Variants in CRYZ observed in about 807,000 individuals in gnomAD.
CRYZ encodes crystallin zeta.
In CRYZ, 35 loss-of-function variants were observed where a neutral mutation model predicts 34.1. That is an observed-to-expected ratio of 1.03 (90% CI 0.78 to 1.36). CRYZ has a LOEUF of 1.36. Ranked by LOEUF, CRYZ falls within the 40% of genes most tolerant of loss-of-function variation. CRYZ has a pLI of 0.00. For synonymous variants in CRYZ, 137 were observed against 136.5 expected (o/e 1.00, Z -0.03); for missense variants, 403 against 391.8 (o/e 1.03, Z -0.24).
intron 5 of CRYZ, among the ~76,000 whole-genome samples, chr1:74,712,174 T>G (rs530065220): frequency 6.6e-6 from 1 of 152,230 alleles, no homozygotes; most frequent in Non-Finnish European, 1.5e-5. Context: ...CTAGGAAATA[T>G]ATCTGATTAG....
chr1:74,723,342 T>C lies in CRYZ; in HGVS notation c.112-72A>G. 10 of 1,416,410 alleles carry C rather than the reference T, an allele frequency of 7.1e-6. No individual in the cohort carries two copies. The Middle Eastern group carries it at 5.5e-4, about 77-fold the overall frequency. The allele number at this position is 1,416,410 out of a possible 1,614,324, so 87.7% of individuals were successfully genotyped here. A position where few individuals can be genotyped will look rare whatever the true frequency, so the allele number is the denominator to read the frequency against. On this transcript the variant is annotated intron_variant, in intron 2 of 8. Transcript: ENST00000340866. The stretch of plus-strand genomic sequence containing the variant: ...ATTTAACTTTATGCTAGGACTGTGC[T>C]GATTATGGGAGCTATCAAAATGGGA...
chr1:74,721,718 A>T (rs1288768759), intron 3 of CRYZ, among the ~76,000 whole-genome samples: 1 of 152,204 alleles, frequency 6.6e-6, no homozygotes, highest in Non-Finnish European at 1.5e-5. Flanking sequence ...GAAGTCACCA[A>T]GACAGTCACA....
chr1:74,721,519 C>A (rs1169203878), intron 3 of CRYZ, among the ~76,000 whole-genome samples: 1 of 152,052 alleles, frequency 6.6e-6, no homozygotes, highest in Admixed American at 6.6e-5. Flanking sequence ...GAATTAAATT[C>A]TATAAAGTGA....
Position 74,722,608 on chromosome 1 carries a change from A to ATATATG in CRYZ, c.264+509_264+510insCATATA, listed in dbSNP as rs1553172775. Among the ~76,000 whole-genome samples the ATATATG allele has an allele frequency of 1.3e-3, 194 of 150,648 alleles. 1 individual carries two copies. Among genetic ancestry groups the ATATATG allele is most frequent in the Middle Eastern group, 3.4e-3 (1 of 290 alleles). ...TGTCTTTGGGCATATATATATATAT[A>ATATATG]TGTGTGTGTGTGTATATATATATAT... On this transcript the variant is annotated intron_variant, in intron 3 of 8. Transcript: ENST00000340866.
Position 74,724,587 on chromosome 1 carries a change from G to A in CRYZ, c.111+124C>T, listed in dbSNP as rs191919311. On this transcript the variant is annotated intron_variant, in intron 2 of 8. Transcript: ENST00000340866. ...TTATCAATGTCCATATGTATACATA[G>A]TGTAAACTGCATCCTAATTCAATGT... is the stretch of plus-strand genomic sequence containing the variant. 4 of 631,764 alleles carry A rather than the reference G, an allele frequency of 6.3e-6. No individual in the cohort carries two copies. The Admixed American group carries it at 1.3e-4, about 20-fold the overall frequency. 39.1% of individuals were successfully genotyped at this position (631,764 alleles called of 1,614,324 possible). A position where few individuals can be genotyped will look rare whatever the true frequency, so the allele number is the denominator to read the frequency against.
At chr1:74,727,631 C>T (rs1029967609) in intron 1 of CRYZ, among the ~76,000 whole-genome samples, 3 of 108,688 alleles carry the variant, frequency 2.8e-5, no homozygotes, top group South Asian at 3.4e-4. Flanking sequence ...GGCAACACAG[C>T]GAGACTCTGT....
chr1:74,710,466 T>C (rs1344452586), intron 5 of CRYZ, among the ~76,000 whole-genome samples: 1 of 152,224 alleles, frequency 6.6e-6, no homozygotes, highest in African/African-American at 2.4e-5. Context: ...TATTCTATCC[T>C]CACAATGACC....
chr1:74,725,362 G>A (rs1647279245), intron 1 of CRYZ, among the ~76,000 whole-genome samples: 1 of 152,208 alleles, frequency 6.6e-6, no homozygotes, highest in Admixed American at 6.5e-5. Flanking sequence ...ATGGTGGAAG[G>A]CAAAGGAGAA....
intron 5 of CRYZ, among the ~76,000 whole-genome samples, chr1:74,711,618 G>A (rs954612554): frequency 6.6e-6 from 1 of 152,198 alleles, no homozygotes; most frequent in African/African-American, 2.4e-5. Context: ...AAGTGTGGTG[G>A]CGCATGCCTG....
intron 5 of CRYZ, among the ~76,000 whole-genome samples, chr1:74,713,326 AAGTT>A (rs1471828381): frequency 2.0e-5 from 3 of 152,306 alleles, no homozygotes; most frequent in Admixed American, 2.0e-4. Flanking sequence ...ACAGAGCACT[AAGTT>A]AGCTCTCTGA....
chr1:74,710,903 G>GA (rs1451739526), intron 5 of CRYZ, among the ~76,000 whole-genome samples: 4 of 152,122 alleles, frequency 2.6e-5, no homozygotes, highest in African/African-American at 9.7e-5. Context: ...AAAGTGCTAA[G>GA]AAAAAATAAG....
chr1:74,718,657 C>T (rs72970004), intron 4 of CRYZ, among the ~76,000 whole-genome samples: 2,392 of 152,134 alleles, frequency 0.016, 71 homozygotes, highest in African/African-American at 0.055. Flanking sequence ...TTCTAGTTAC[C>T]CTTCCTGAGG....
intron 4 of CRYZ, among the ~76,000 whole-genome samples, chr1:74,718,267 TA>T (rs1647103712): frequency 6.6e-6 from 1 of 152,054 alleles, no homozygotes; most frequent in South Asian, 2.1e-4. Context: ...CTCTGGCCCA[TA>T]AGGATTTTGT....
Position 74,723,204 on chromosome 1 carries a change from T to TA in CRYZ, c.177dup (p.Ser60Ter). 1 of 1,614,054 alleles carries TA rather than the reference T, an allele frequency of 6.2e-7. No individual in the cohort carries two copies. The highest frequency in any genetic ancestry group is 8.5e-7 in the Non-Finnish European group (1 of 1,179,934). On this transcript the variant is annotated frameshift_variant, in exon 3 of 9. Coordinates refer to ENST00000340866, the MANE Select transcript of CRYZ (RefSeq NM_001889.4). LOFTEE classifies it high-confidence loss of function. ...GTATAGGGTAAGAGTGGTTTTCTAC[T>TA]ATAAGTACCAGAGCGAATGTATGTC...
At chr1:74,714,842 G>C (rs1334685802) in intron 4 of CRYZ, among the ~76,000 whole-genome samples, 2 of 152,136 alleles carry the variant, frequency 1.3e-5, no homozygotes, top group Non-Finnish European at 2.9e-5. Flanking sequence ...TATTTATTGG[G>C]AGTCTTTATG....
At chr1:74,724,872 A>G in intron 1 of CRYZ, 38 bp from the exon 2 acceptor site, 3 of 1,184,002 alleles carry the variant, frequency 2.5e-6, no homozygotes, top group Non-Finnish European at 3.7e-6. Context: ...GTCACATTGT[A>G]TCTAGGATAT....
At chr1:74,711,189 A>T (rs1224073224) in intron 5 of CRYZ, among the ~76,000 whole-genome samples, 1 of 152,154 alleles carries the variant, frequency 6.6e-6, no homozygotes, top group Non-Finnish European at 1.5e-5. Flanking sequence ...AGTCACACAG[A>T]ATCTGAGGGG....
At position 74,722,212 on chromosome 1, in the gene CRYZ, A is replaced by AG. The variant is rs1174233615; in HGVS notation, c.264+905dup. ...GCCTGAAAACGGAGGCCCAGAAAGG[A>AG]GGGGGAGAGGAGAACAGAAGAAAAT... is the stretch of plus-strand genomic sequence containing the variant. On this transcript the variant is annotated intron_variant, in intron 3 of 8. Transcript: ENST00000340866. 2.6e-5 allele frequency among the ~76,000 whole-genome samples: 4 copies of AG among 152,228 alleles called. No homozygotes were observed. The East Asian group carries it at 7.7e-4, about 29-fold the overall frequency.
intron 4 of CRYZ, among the ~76,000 whole-genome samples, chr1:74,715,165 G>A (rs1022104125): frequency 5.9e-5 from 9 of 152,186 alleles, no homozygotes; most frequent in Non-Finnish European, 1.0e-4. Flanking sequence ...GAGGAATGCT[G>A]AGTTAGCAAA....
Sources: allele counts gnomAD v4.1 joint callset (sites outside exome capture counted in the v4.1 genomes callset), GRCh38; gene constraint gnomAD v4.1.1; transcripts MANE v1.5; gene names NCBI Gene and HGNC (gene_info 2026-07-23, HGNC 2026-07-21).